The following CFAP57 variants were observed in gnomAD, a reference collection of about 807,000 sequenced individuals.
CFAP57 encodes cilia and flagella associated protein 57, also known as cilia- and flagella-associated protein 57.
A neutral mutation model predicts 146.8 loss-of-function variants in CFAP57; 116 were observed. The ratio of observed to expected loss-of-function variants is 0.79; its 90% CI spans 0.68 to 0.92. CFAP57 has a LOEUF of 0.92. CFAP57 is among the 40% of genes least tolerant of loss of function. The probability of loss-of-function intolerance (pLI) is 0.00; values close to 1 mark genes in which losing one functional copy is unlikely to be tolerated. For synonymous variants in CFAP57, 518 were observed against 552.8 expected, an observed-to-expected ratio of 0.94 and a Z score of 0.88; for missense variants, 1,377 against 1,527.2, an observed-to-expected ratio of 0.90 and a Z score of 1.64.
At position 43,254,037 on chromosome 1, in the gene CFAP57, C is replaced by G. The variant is rs74787041; in HGVS notation, c.3599C>G (p.Thr1200Ser). The part of the protein sequence containing the change: ...PTARLNEQEE[T>S]GRIIEMQRLE... ...GCAAGGTTGAATGAGCAAGAAGAAACTGGGAGGATCATTGAAATGCAGCGC... is the reference window on the plus strand; with the variant it reads ...GCAAGGTTGAATGAGCAAGAAGAAAGTGGGAGGATCATTGAAATGCAGCGC... Residue 1200 changes from threonine (T) to serine (S), a missense_variant, in exon 23 of 23, where the codon ACT becomes AGT. Thr to Ser is a moderately conservative substitution (Grantham distance 58). Transcript: ENST00000372492. 11 of 1,550,482 alleles carry G rather than the reference C, an allele frequency of 7.1e-6. No homozygotes were observed. The highest frequency in any genetic ancestry group is 8.7e-6 in the Non-Finnish European group (10 of 1,147,012).
chr1:43,220,619 G>A (rs183682673), intron 13 of CFAP57, among the ~76,000 whole-genome samples: 1 of 152,292 alleles, frequency 6.6e-6, no homozygotes, highest in East Asian at 1.9e-4. Context: ...AGCTACTTGG[G>A]AGGCTGGGAT....
At chr1:43,184,893 C>T in intron 4 of CFAP57, 1 of 452,460 alleles carries the variant, frequency 2.2e-6, no homozygotes, top group Non-Finnish European at 4.1e-6. Flanking sequence ...TTGGCCCAAG[C>T]ATACCTGCGA....
In CFAP57 at chr1:43,172,840, C is replaced by T. The variant is rs761394266; in HGVS notation, c.87C>T (p.Ile29=). ...ANNIFYFDEQ[I]IIFPSGNHCV... is the part of the protein sequence containing the mutation. ...ATATCTTCTACTTCGATGAACAGAT[C>T]ATTATATTTCCTTCAGGAAATCACT... The change falls in exon 2 of 23, where the codon ATC becomes ATT. Residue 29 remains isoleucine, a synonymous_variant. Coordinates refer to ENST00000372492, the MANE Select transcript of CFAP57 (RefSeq NM_001378189.1). The T allele has an allele frequency of 7.4e-6, 12 of 1,614,052 alleles. No homozygotes were observed. The South Asian group carries it at 1.3e-4, about 18-fold the overall frequency.
chr1:43,222,798 C>G, intron 15 of CFAP57, 26 bp from the exon 16 acceptor site: 2 of 1,515,250 alleles, frequency 1.3e-6, no homozygotes, highest in Non-Finnish European at 1.8e-6. Context: ...TCTCCCCTGA[C>G]CACACGCCCA....
At chr1:43,221,149 G>GTTTGTCAATGAA (rs1553182394) in intron 13 of CFAP57, among the ~76,000 whole-genome samples, 3 of 152,192 alleles carry the variant, frequency 2.0e-5, no homozygotes, top group Non-Finnish European at 4.4e-5. Context: ...AACCCATTTA[G>GTTTGTCAATGAA]TAGCAAGAAT....
intron 6 of CFAP57, among the ~76,000 whole-genome samples, chr1:43,196,842 A>G (rs559439872): frequency 2.6e-5 from 4 of 152,278 alleles, no homozygotes; most frequent in African/African-American, 9.6e-5. Flanking sequence ...CATTCATACA[A>G]TTTTTCCCAG....
At position 43,181,552 on chromosome 1, in the gene CFAP57, G is replaced by T. The variant is rs773788678; in HGVS notation, c.176G>T (p.Gly59Val). The part of the protein sequence containing the change: ...KFIPGSEKSQ[G>V]MLALSISPNR... Reference sequence around the variant, plus strand: ...TTTGCAGGCTCAGAGAAGAGTCAGGGCATGTTGGCCTTGTCCATCAGTCCC... The same window carrying T: ...TTTGCAGGCTCAGAGAAGAGTCAGGTCATGTTGGCCTTGTCCATCAGTCCC... The change falls in exon 3 of 23, where the codon GGC (glycine) becomes GTC (valine). Residue 59 changes from glycine to valine, a missense_variant. Coordinates refer to ENST00000372492, the MANE Select transcript of CFAP57 (RefSeq NM_001378189.1). 24 of 1,614,022 alleles carry T rather than the reference G, an allele frequency of 1.5e-5. 1 individual carries two copies. The South Asian group carries it at 1.6e-4, about 11-fold the overall frequency.
At chr1:43,209,714 C>A (rs768642925) in intron 10 of CFAP57, 29 bp from the exon 11 acceptor site, 1 of 1,606,976 alleles carries the variant, frequency 6.2e-7, no homozygotes, top group Non-Finnish European at 8.5e-7. Flanking sequence ...CTCGACCCCT[C>A]ACACTGAGCA....
chr1:43,245,218 AG>A (rs1244710475), intron 22 of CFAP57, among the ~76,000 whole-genome samples: 1 of 151,902 alleles, frequency 6.6e-6, no homozygotes, highest in Non-Finnish European at 1.5e-5. Context: ...TTGAGGTGTG[AG>A]GATTTTAGAG....
intron 18 of CFAP57, among the ~76,000 whole-genome samples, chr1:43,230,693 A>T (rs1200406939): frequency 2.0e-5 from 3 of 152,012 alleles, no homozygotes; most frequent in Non-Finnish European, 1.5e-5. Flanking sequence ...TCTAATACTT[A>T]TTCTTCCTCC....
chr1:43,223,395 C>G (rs1227477019), intron 16 of CFAP57, among the ~76,000 whole-genome samples: 1 of 152,178 alleles, frequency 6.6e-6, no homozygotes, highest in Non-Finnish European at 1.5e-5. Flanking sequence ...TCCTCGGGCT[C>G]TTGGTCCAGG....
chr1:43,241,368 A>G (rs1229998830), intron 21 of CFAP57, among the ~76,000 whole-genome samples: 3 of 152,124 alleles, frequency 2.0e-5, no homozygotes, highest in Non-Finnish European at 4.4e-5. Context: ...CTGGAAGTCT[A>G]AAGGTGTAGA....
chr1:43,210,936 G>A (rs1644578358), intron 11 of CFAP57: 1 of 62,016 alleles, frequency 1.6e-5, no homozygotes, highest in Non-Finnish European at 5.1e-5. Context: ...TATTCATAGT[G>A]CAAAAAAAAA....
intron 6 of CFAP57, among the ~76,000 whole-genome samples, chr1:43,189,072 T>C (rs1643337171): frequency 1.3e-5 from 2 of 152,364 alleles, no homozygotes; most frequent in South Asian, 4.1e-4. Flanking sequence ...CATGGGTTTG[T>C]TTCAGGACTT....
At chr1:43,178,397 AG>A (rs1237068200) in intron 2 of CFAP57, among the ~76,000 whole-genome samples, 5 of 152,236 alleles carry the variant, frequency 3.3e-5, no homozygotes, top group Non-Finnish European at 7.3e-5. Flanking sequence ...CATCTGACAA[AG>A]GGCTAATATC....
chr1:43,190,751 G>A (rs998404243), intron 6 of CFAP57, among the ~76,000 whole-genome samples: 4 of 150,820 alleles, frequency 2.7e-5, no homozygotes, highest in East Asian at 1.9e-4. Flanking sequence ...GTGAGTTTTC[G>A]TTTTTTACTT....
intron 17 of CFAP57, among the ~76,000 whole-genome samples, chr1:43,224,643 T>C (rs1021102715): frequency 6.6e-6 from 1 of 152,208 alleles, no homozygotes; most frequent in Non-Finnish European, 1.5e-5. Flanking sequence ...GGATTGACCC[T>C]GTCCAGGAGG....
chr1:43,205,559 C>A (rs1022516022), intron 9 of CFAP57, among the ~76,000 whole-genome samples: 1 of 152,202 alleles, frequency 6.6e-6, no homozygotes, highest in African/African-American at 2.4e-5. Flanking sequence ...TTGGAACTTT[C>A]ACTCTATAAG....
At chr1:43,227,586 G>A (rs1645296979) in intron 18 of CFAP57, among the ~76,000 whole-genome samples, 1 of 152,206 alleles carries the variant, frequency 6.6e-6, no homozygotes. Flanking sequence ...AGAGGCTCTT[G>A]AGCAGAAGAG....
Sources: gnomAD v4.1 joint callset for allele counts (sites outside exome capture counted in the v4.1 genomes callset) on GRCh38, gnomAD v4.1.1 for gene constraint, MANE v1.5 for transcripts, NCBI Gene and HGNC (gene_info 2026-07-23, HGNC 2026-07-21) for gene names.